Variants in SENP6 observed in about 807,000 individuals in gnomAD.
SENP6 encodes the protein sentrin-specific protease 6.
Under a neutral mutation model 134.5 loss-of-function variants are expected in SENP6, and 41 were observed. That is an observed-to-expected ratio of 0.30 (90% CI 0.24 to 0.40). SENP6 has a LOEUF of 0.40. SENP6 is among the 10% of genes least tolerant of loss of function. SENP6 has a pLI of 1.00. For synonymous variants in SENP6, 395 were observed against 429.8 expected (o/e 0.92, Z 1.00); for missense variants, 1,248 against 1,312.5 (o/e 0.95, Z 0.76).
intron 16 of SENP6, among the ~76,000 whole-genome samples, chr6:75,684,293 T>C (rs140497567): frequency 0.014 from 2,079 of 152,318 alleles, 21 homozygotes; most frequent in Non-Finnish European, 0.022. Context: ...TAAGGAGATT[T>C]TGGGCTGAGA....
At chr6:75,645,208 A>C (rs1770339233) in intron 6 of SENP6, among the ~76,000 whole-genome samples, 1 of 152,214 alleles carries the variant, frequency 6.6e-6, no homozygotes, top group African/African-American at 2.4e-5. Context: ...CTGGTTGGTT[A>C]GGGGTAGAAA....
chr6:75,610,264 C>T (rs376226928), intron 1 of SENP6, among the ~76,000 whole-genome samples: 1 of 152,140 alleles, frequency 6.6e-6, no homozygotes, highest in African/African-American at 2.4e-5. Flanking sequence ...TAGAAATGGT[C>T]ATACTATTCA....
rs544892128 is a variant in SENP6, at chr6:75,701,797, G to A, written c.2289-848G>A. Among the ~76,000 whole-genome samples the A allele has an allele frequency of 8.6e-5, 13 of 151,866 alleles. No individual in the cohort carries two copies. The South Asian group carries it at 1.9e-3, about 22-fold the overall frequency. On this transcript the variant is annotated intron_variant, in intron 18 of 23. Transcript: ENST00000447266. ...TGGGACTACAGGCGCACACTACCAC[G>A]CCCAGCTAATTTTCTGTATTTTAGT...
intron 16 of SENP6, among the ~76,000 whole-genome samples, chr6:75,683,436 A>G (rs1773603126): frequency 6.6e-6 from 1 of 152,104 alleles, no homozygotes; most frequent in South Asian, 2.1e-4. Flanking sequence ...TTTTGTTGCC[A>G]TTGCTTTTGG....
chr6:75,621,169 A>G (rs1206777972), intron 1 of SENP6, among the ~76,000 whole-genome samples: 1 of 152,194 alleles, frequency 6.6e-6, no homozygotes, highest in Non-Finnish European at 1.5e-5. Flanking sequence ...TATAGTTCTC[A>G]TGAAGAAGGC....
intron 6 of SENP6, among the ~76,000 whole-genome samples, chr6:75,645,436 T>C (rs1365231543): frequency 6.6e-6 from 1 of 152,100 alleles, no homozygotes; most frequent in Middle Eastern, 3.2e-3. Context: ...GCTGACATGG[T>C]GAAACACCAT....
intron 18 of SENP6, among the ~76,000 whole-genome samples, chr6:75,698,640 A>G (rs759505637): frequency 6.6e-6 from 1 of 152,210 alleles, no homozygotes; most frequent in Non-Finnish European, 1.5e-5. Flanking sequence ...TAGCAAAGCT[A>G]TATATTTTTA....
intron 19 of SENP6, among the ~76,000 whole-genome samples, chr6:75,708,094 C>T (rs930148875): frequency 2.0e-5 from 3 of 152,288 alleles, no homozygotes; most frequent in Non-Finnish European, 4.4e-5. Flanking sequence ...GAGTCTTGCT[C>T]TATCACCCAG....
chr6:75,705,498 C>T (rs549197785), intron 19 of SENP6, among the ~76,000 whole-genome samples: 5 of 152,108 alleles, frequency 3.3e-5, no homozygotes, highest in Non-Finnish European at 7.4e-5. Flanking sequence ...GAGCTGGGAT[C>T]GCGCAACTGC....
chr6:75,693,580 C>G (rs1024562160), intron 16 of SENP6, among the ~76,000 whole-genome samples: 1 of 152,144 alleles, frequency 6.6e-6, no homozygotes, highest in Non-Finnish European at 1.5e-5. Flanking sequence ...GTGTCTTGAT[C>G]TGACTCACTG....
rs1255061184 is a variant in SENP6, at chr6:75,715,538, A to G, written c.3283A>G (p.Thr1095Ala). Residue 1095 changes from threonine to alanine, a missense_variant, in exon 24 of 24, where the codon ACA becomes GCA. Thr to Ala is a moderately conservative substitution (Grantham distance 58). Coordinates refer to ENST00000447266, the MANE Select transcript of SENP6 (RefSeq NM_015571.4). Reference sequence around the variant, plus strand: ...AAGAAAGCATAAGGACACTTACTCAACAGAAGCACCTTTAGGCGAAGGAAC... The same window carrying G: ...AAGAAAGCATAAGGACACTTACTCAGCAGAAGCACCTTTAGGCGAAGGAAC... ...EKRKHKDTYSTEAPLGEGTEQ... is the reference protein window; with the variant it reads ...EKRKHKDTYSAEAPLGEGTEQ... 1 of 1,613,486 alleles carries G rather than the reference A, an allele frequency of 6.2e-7. No homozygotes were observed. Among genetic ancestry groups the G allele is most frequent in the Non-Finnish European group, 8.5e-7 (1 of 1,179,536 alleles).
intron 10 of SENP6, among the ~76,000 whole-genome samples, chr6:75,669,214 T>C (rs1772480087): frequency 6.6e-6 from 1 of 152,086 alleles, no homozygotes; most frequent in Admixed American, 6.6e-5. Flanking sequence ...TAGCCAGGCG[T>C]GGTGGTGTGT....
intron 19 of SENP6, among the ~76,000 whole-genome samples, chr6:75,707,876 A>G (rs1775509570): frequency 6.6e-6 from 1 of 151,894 alleles, no homozygotes; most frequent in Admixed American, 6.6e-5. Context: ...GTTTGTAGAG[A>G]CAGGGTCTCA....
intron 1 of SENP6, among the ~76,000 whole-genome samples, chr6:75,607,670 T>G (rs1056997575): frequency 6.6e-6 from 1 of 152,210 alleles, no homozygotes; most frequent in African/African-American, 2.4e-5. Context: ...TCCTTTTCAT[T>G]TCAGCCTGTC....
intron 18 of SENP6, chr6:75,697,950 T>G (rs533356531): frequency 6.4e-6 from 1 of 155,438 alleles, no homozygotes; most frequent in Non-Finnish European, 1.4e-5. Context: ...TTAAAAACCA[T>G]GTGGACTACT....
rs57572863 is a variant in SENP6, at chr6:75,636,875, A to ATT, written c.458+2079_458+2080dup. The stretch of plus-strand genomic sequence containing the variant: ...AATTTTCTTATTTTCTGAAGTCTTA[A>ATT]TTTTTTTTTTTTTTTTAATTATAGA... On this transcript the variant is annotated intron_variant, in intron 5 of 23. Transcript: ENST00000447266. 4.2e-3 allele frequency among the ~76,000 whole-genome samples: 595 copies of ATT among 143,344 alleles called. 6 individuals are homozygous for ATT. Among genetic ancestry groups the ATT allele is most frequent in the African/African-American group, 0.011 (448 of 38,982 alleles). 94.0% of individuals were successfully genotyped at this position (143,344 alleles called of 152,430 possible).
rs529598734 is a variant in SENP6 at position 75,671,926 on chromosome 6, C to T, written c.1392+1206C>T. On this transcript the variant is annotated intron_variant, in intron 11 of 23. Transcript: ENST00000447266. ...TAGCAGAGCACAGCTCTATGAGAATCCGGCAAATTTTTCTTTTCCATCAAA... is the reference window on the plus strand; with the variant it reads ...TAGCAGAGCACAGCTCTATGAGAATTCGGCAAATTTTTCTTTTCCATCAAA... Among the ~76,000 whole-genome samples, 4 of 152,200 alleles carry T rather than the reference C, an allele frequency of 2.6e-5. No homozygotes were observed. In the South Asian group the frequency reaches 6.2e-4, roughly 24 times the overall value.
intron 8 of SENP6, among the ~76,000 whole-genome samples, chr6:75,662,246 C>T (rs1771835206): frequency 6.6e-6 from 1 of 151,980 alleles, no homozygotes; most frequent in Non-Finnish European, 1.5e-5. Flanking sequence ...AAACGCCTTC[C>T]ACTTCTACTG....
At chr6:75,617,685 G>C (rs1435291768) in intron 1 of SENP6, among the ~76,000 whole-genome samples, 1 of 152,168 alleles carries the variant, frequency 6.6e-6, no homozygotes, top group Non-Finnish European at 1.5e-5. Context: ...TTGTGTGATA[G>C]TGTTATTACT....
Sources: gnomAD v4.1 joint callset for allele counts (sites outside exome capture counted in the v4.1 genomes callset) on GRCh38, gnomAD v4.1.1 for gene constraint, MANE v1.5 for transcripts, NCBI Gene and HGNC (gene_info 2026-07-23, HGNC 2026-07-21) for gene names.